KIRREL3: variants seen among roughly 807,000 people sequenced by gnomAD.
KIRREL3 encodes kin of IRRE-like protein 3.
A neutral mutation model predicts 89.7 loss-of-function variants in KIRREL3; 36 were observed. The observed-to-expected ratio is 0.40, with a 90% confidence interval of 0.31 to 0.53. The LOEUF is 0.53. KIRREL3 is among the 20% of genes least tolerant of loss of function. The pLI is 0.49. For missense variants in KIRREL3, 864 were observed against 1,056.6 expected, an observed-to-expected ratio of 0.82 and a Z score of 2.53; for synonymous variants, 445 against 441.4, an observed-to-expected ratio of 1.01 and a Z score of -0.10.
At chr11:126,559,264 C>T (rs1485921185) in intron 2 of KIRREL3, among the ~76,000 whole-genome samples, 1 of 152,212 alleles carries the variant, frequency 6.6e-6, no homozygotes, top group Non-Finnish European at 1.5e-5. Context: ...ATCTGAGGCG[C>T]TCCTTTTCAA....
At chr11:126,679,265 T>C (rs1043452047) in intron 1 of KIRREL3, among the ~76,000 whole-genome samples, 1 of 152,240 alleles carries the variant, frequency 6.6e-6, no homozygotes, top group African/African-American at 2.4e-5. Context: ...TGGGGTCATC[T>C]ACTTCTGGAC....
rs534842010 is a variant in KIRREL3 at position 126,985,366 on chromosome 11, G to A, written c.55+15089C>T. On this transcript the variant is annotated intron_variant, in intron 1 of 16. Coordinates refer to ENST00000525144, the MANE Select transcript of KIRREL3 (RefSeq NM_032531.4). This position sits in a 1 kb window ranked among gnomAD's most constrained non-coding sequence, Gnocchi z 5.3. ...AGGTGAGAAGGACCCAGCCCTGGCC[G>A]CCAGGAAGCTCACAATATGGAAGGG... is the stretch of plus-strand genomic sequence containing the variant. Among the ~76,000 whole-genome samples, 2 of 152,230 alleles carry A rather than the reference G, an allele frequency of 1.3e-5. No individual in the cohort carries two copies. The highest frequency in any genetic ancestry group is 2.9e-5 in the Non-Finnish European group (2 of 68,018).
rs981636861 is a variant in KIRREL3, at chr11:126,917,839, G to A, written c.55+82616C>T. ...AATTGAGGTGGCGTTTCTGAAGAAC[G>A]AGATGGTAAAAACAGTGGCATTTCT... On this transcript the variant is annotated intron_variant, in intron 1 of 16. Transcript: ENST00000525144. The surrounding 1 kb of genome is among the most constrained non-coding windows in gnomAD (Gnocchi z 5.0). 5.9e-5 allele frequency among the ~76,000 whole-genome samples: 9 copies of A among 152,290 alleles called. No homozygotes were observed. Among genetic ancestry groups the A allele is most frequent in the Admixed American group, 1.3e-4 (2 of 15,298 alleles).
Position 126,429,050 on chromosome 11 carries a change from G to A in KIRREL3, c.1806+129C>T. Reference sequence around the variant, plus strand: ...GAGAGTGTGTGCCTCACCTATTGTGGGGTGGGCAGGGGGCATCTTGAACGC... The same window carrying A: ...GAGAGTGTGTGCCTCACCTATTGTGAGGTGGGCAGGGGGCATCTTGAACGC... On this transcript the variant is annotated intron_variant, in intron 15 of 16. Transcript: ENST00000525144. This position sits in a 1 kb window ranked among gnomAD's most constrained non-coding sequence, Gnocchi z 5.2. 1 of 632,858 alleles carries A rather than the reference G, an allele frequency of 1.6e-6. No homozygotes were observed. The highest frequency in any genetic ancestry group is 1.8e-5 in the African/African-American group (1 of 54,754). The allele number at this position is 632,858 out of a possible 1,614,324, so 39.2% of individuals were successfully genotyped here.
chr11:126,919,857 G>C (rs1370197817), intron 1 of KIRREL3, among the ~76,000 whole-genome samples: 1 of 152,118 alleles, frequency 6.6e-6, no homozygotes, highest in African/African-American at 2.4e-5. Flanking sequence ...GAATATTCCA[G>C]TAACAATAGT....
intron 1 of KIRREL3, among the ~76,000 whole-genome samples, chr11:126,961,953 G>T (rs1229395969): frequency 6.6e-6 from 1 of 152,208 alleles, no homozygotes; most frequent in Non-Finnish European, 1.5e-5. Context: ...CTGCTTACAG[G>T]TTAGTTTACT....
intron 13 of KIRREL3, 68 bp downstream of exon 13, chr11:126,435,200 C>G: frequency 1.3e-6 from 2 of 1,544,698 alleles, no homozygotes; most frequent in Non-Finnish European, 1.8e-6. Context: ...CTGCTGGGTT[C>G]CCTCCCCAGC....
rs184087360 is a variant in KIRREL3, at chr11:126,846,461, G to T, written c.55+153994C>A. On this transcript the variant is annotated intron_variant, in intron 1 of 16. Coordinates refer to ENST00000525144, the MANE Select transcript of KIRREL3 (RefSeq NM_032531.4). Reference sequence around the variant, plus strand: ...AAAATAAAAATTATCATGCCTTTTAGGTCACATGACTTCAGTAATCTTTGG... The same window carrying T: ...AAAATAAAAATTATCATGCCTTTTATGTCACATGACTTCAGTAATCTTTGG... 2.0e-4 allele frequency among the ~76,000 whole-genome samples: 31 copies of T among 152,104 alleles called. No individual in the cohort carries two copies. In the East Asian group the frequency reaches 5.0e-3, roughly 25 times the overall value.
chr11:126,551,912 C>A lies in KIRREL3; in HGVS notation c.133+10923G>T, dbSNP rs542169042. Among the ~76,000 whole-genome samples, 39 of 152,356 alleles carry A rather than the reference C, an allele frequency of 2.6e-4. No homozygotes were observed. Among genetic ancestry groups the A allele is most frequent in the Admixed American group, 2.3e-3 (35 of 15,304 alleles). On this transcript the variant is annotated intron_variant, in intron 2 of 16. Coordinates refer to ENST00000525144, the MANE Select transcript of KIRREL3 (RefSeq NM_032531.4). The surrounding 1 kb of genome is among the most constrained non-coding windows in gnomAD (Gnocchi z 4.9). ...CCACCCGCCTTGGCCTCCCAAAGTG[C>A]TGGGATTACAGGCGTGAGCCACTGT...
At chr11:126,589,665 C>T (rs1942044960) in intron 1 of KIRREL3, among the ~76,000 whole-genome samples, 1 of 152,194 alleles carries the variant, frequency 6.6e-6, no homozygotes, top group Admixed American at 6.5e-5. Context: ...CAAAGCACAT[C>T]TCGTCGCTCT....
rs138722588 is a variant in KIRREL3, at chr11:126,586,756, C to T, written c.56-23844G>A. ...TGAAGTAGCGGATACAAGGTGGCACCGTGAAGGCACTGGGTCAGGAGCTGG... is the reference window on the plus strand; with the variant it reads ...TGAAGTAGCGGATACAAGGTGGCACTGTGAAGGCACTGGGTCAGGAGCTGG... On this transcript the variant is annotated intron_variant, in intron 1 of 16. Transcript: ENST00000525144. Among the ~76,000 whole-genome samples the T allele has an allele frequency of 1.8e-3, 279 of 152,102 alleles. 1 individual carries two copies. The highest frequency in any genetic ancestry group is 6.2e-3 in the African/African-American group (259 of 41,482).
chr11:126,577,057 G>A (rs1373510299), intron 1 of KIRREL3, among the ~76,000 whole-genome samples: 4 of 152,152 alleles, frequency 2.6e-5, no homozygotes, highest in Non-Finnish European at 5.9e-5. Flanking sequence ...GGTGGGGGAT[G>A]GGGTGCTCAG....
chr11:126,638,810 G>A (rs932947564), intron 1 of KIRREL3, among the ~76,000 whole-genome samples: 3 of 152,080 alleles, frequency 2.0e-5, no homozygotes, highest in South Asian at 4.1e-4. Flanking sequence ...TATGTGAAAG[G>A]ACTTTAGTCT....
chr11:126,613,871 CT>C (rs5795506), intron 1 of KIRREL3, among the ~76,000 whole-genome samples: 234 of 88,540 alleles, frequency 2.6e-3, no homozygotes, highest in African/African-American at 7.4e-3. Context: ...AATACTGTTG[CT>C]TTTTTTTTTT....
intron 1 of KIRREL3, among the ~76,000 whole-genome samples, chr11:126,848,219 T>C (rs1033879589): frequency 6.6e-6 from 1 of 152,218 alleles, no homozygotes; most frequent in Non-Finnish European, 1.5e-5. Flanking sequence ...AGATTACTTA[T>C]GGAACAGAGT....
rs1957464161 is a variant in KIRREL3 at position 126,489,950 on chromosome 11, G to A, written c.434-16484C>T. Among the ~76,000 whole-genome samples, 3 of 152,138 alleles carry A rather than the reference G, an allele frequency of 2.0e-5. No individual in the cohort carries two copies. Among genetic ancestry groups the A allele is most frequent in the Non-Finnish European group, 4.4e-5 (3 of 68,032 alleles). On this transcript the variant is annotated intron_variant, in intron 4 of 16. Coordinates refer to ENST00000525144, the MANE Select transcript of KIRREL3 (RefSeq NM_032531.4). The surrounding 1 kb of genome is among the most constrained non-coding windows in gnomAD (Gnocchi z 5.5). ...AGATCTCCATCCCTGGCACTGTGCA[G>A]GAATCTGGGCGTGTTAGTGCTGCAT...
At chr11:126,731,714 T>A (rs1302284898) in intron 1 of KIRREL3, among the ~76,000 whole-genome samples, 2 of 152,218 alleles carry the variant, frequency 1.3e-5, no homozygotes, top group Non-Finnish European at 1.5e-5. Context: ...TAGGTCAGTT[T>A]TAGGTCCTGA....
chr11:126,628,497 G>A lies in KIRREL3; in HGVS notation c.56-65585C>T, dbSNP rs1943885860. The stretch of plus-strand genomic sequence containing the variant: ...TTAATGAATGTTTGCTGAGCAGGAA[G>A]AACAGTATATCCCGTTCTCCTAGCT... On this transcript the variant is annotated intron_variant, in intron 1 of 16. Coordinates refer to ENST00000525144, the MANE Select transcript of KIRREL3 (RefSeq NM_032531.4). This position sits in a 1 kb window ranked among gnomAD's most constrained non-coding sequence, Gnocchi z 5.2. Among the ~76,000 whole-genome samples the A allele has an allele frequency of 6.6e-6, 1 of 152,236 alleles. No homozygotes were observed. Among genetic ancestry groups the A allele is most frequent in the Non-Finnish European group, 1.5e-5 (1 of 68,046 alleles).
At chr11:126,910,621 T>C (rs1946778327) in intron 1 of KIRREL3, among the ~76,000 whole-genome samples, 1 of 152,186 alleles carries the variant, frequency 6.6e-6, no homozygotes, top group Non-Finnish European at 1.5e-5. Context: ...TAATAGTGTA[T>C]ACGCATCATA....
Sources: allele counts gnomAD v4.1 joint callset (sites outside exome capture counted in the v4.1 genomes callset), GRCh38; gene constraint gnomAD v4.1.1; non-coding constraint Gnocchi (gnomAD v3.1); transcripts MANE v1.5; gene names NCBI Gene and HGNC (gene_info 2026-07-23, HGNC 2026-07-21).